The following HOOK3 variants were observed in gnomAD, a reference collection of about 807,000 sequenced individuals.
The protein encoded by HOOK3 is protein Hook homolog 3.
Under a neutral mutation model 116.3 loss-of-function variants are expected in HOOK3, and 24 were observed. That is an observed-to-expected ratio of 0.21 (90% confidence interval 0.15 to 0.29). HOOK3 has a LOEUF of 0.29. Among genes scored for constraint, HOOK3 ranks in the 10% least tolerant of loss-of-function variants. The pLI is 1.00. For synonymous variants in HOOK3, 275 were observed against 283.0 expected, an observed-to-expected ratio of 0.97 and a Z score of 0.28; for missense variants, 632 against 830.2, an observed-to-expected ratio of 0.76 and a Z score of 2.93.
At chr8:42,993,829 C>T (rs60133450) in intron 15 of HOOK3, among the ~76,000 whole-genome samples, 4,783 of 152,006 alleles carry the variant, frequency 0.031, 268 homozygotes, top group African/African-American at 0.11. Context: ...TGAATTTCTC[C>T]GGTATCAGTT....
chr8:42,929,511 CAGAA>C (rs1471047992), intron 3 of HOOK3, among the ~76,000 whole-genome samples: 4 of 152,174 alleles, frequency 2.6e-5, no homozygotes, highest in South Asian at 4.1e-4. Context: ...TTGGGTCAAA[CAGAA>C]AGAAAAAAAT....
intron 15 of HOOK3, among the ~76,000 whole-genome samples, chr8:42,993,189 A>G (rs1809200192): frequency 6.6e-6 from 1 of 152,060 alleles, no homozygotes; most frequent in African/African-American, 2.4e-5. Context: ...GATCTTTTTA[A>G]TGTGTTGTTG....
chr8:42,979,751 T>G (rs1808898906), intron 13 of HOOK3, among the ~76,000 whole-genome samples: 2 of 152,204 alleles, frequency 1.3e-5, no homozygotes, highest in Non-Finnish European at 2.9e-5. Flanking sequence ...TTACCGTTTC[T>G]AGACCAAGCT....
At chr8:42,915,317 A>T (rs1055151134) in intron 2 of HOOK3, among the ~76,000 whole-genome samples, 2 of 151,634 alleles carry the variant, frequency 1.3e-5, no homozygotes, top group African/African-American at 4.9e-5. Flanking sequence ...TCAAAGTCGG[A>T]TTGTGTTACG....
chr8:42,967,444 G>A (rs1041844731), intron 10 of HOOK3, among the ~76,000 whole-genome samples: 3 of 152,070 alleles, frequency 2.0e-5, no homozygotes, highest in South Asian at 2.1e-4. Flanking sequence ...TCTTCCTCCT[G>A]TTCAGGGCTA....
At chr8:42,904,660 A>C (rs1807267830) in intron 1 of HOOK3, among the ~76,000 whole-genome samples, 1 of 152,080 alleles carries the variant, frequency 6.6e-6, no homozygotes, top group South Asian at 2.1e-4. Context: ...CCCCTGGTTC[A>C]AATCCTTTGC....
intron 8 of HOOK3, among the ~76,000 whole-genome samples, chr8:42,962,351 C>G (rs1326050275): frequency 6.7e-6 from 1 of 148,464 alleles, no homozygotes; most frequent in Non-Finnish European, 1.5e-5. Flanking sequence ...GTCCTACCAA[C>G]TTGGCCTCCC....
chr8:43,010,385 T>C lies in HOOK3; in HGVS notation c.1819T>C (p.Tyr607His). The C allele has an allele frequency of 6.8e-7, 1 of 1,460,266 alleles. No homozygotes were observed. 90.5% of individuals were successfully genotyped at this position (1,460,266 alleles called of 1,614,324 possible). The change falls in exon 19 of 22, where the codon TAC (tyrosine) becomes CAC (histidine). Residue 607 changes from tyrosine (Y) to histidine (H), a missense_variant. Coordinates refer to ENST00000307602, the MANE Select transcript of HOOK3 (RefSeq NM_032410.4). Reference sequence around the variant, plus strand: ...GCAAATGGAAGAACGATACAAAAAATACTTAGAGAAAGCCAAAAGTGTAAG... The same window carrying C: ...GCAAATGGAAGAACGATACAAAAAACACTTAGAGAAAGCCAAAAGTGTAAG... ...MKQMEERYKK[Y>H]LEKAKSVIRT...
intron 4 of HOOK3, among the ~76,000 whole-genome samples, chr8:42,931,088 A>C (rs1043629972): frequency 3.3e-5 from 5 of 152,152 alleles, no homozygotes; most frequent in Non-Finnish European, 5.9e-5. Context: ...CTTTTCCCGC[A>C]CCTAAGGCAC....
At chr8:42,925,205 C>T (rs1251749132) in intron 2 of HOOK3, among the ~76,000 whole-genome samples, 1 of 151,912 alleles carries the variant, frequency 6.6e-6, no homozygotes, top group Non-Finnish European at 1.5e-5. Flanking sequence ...TCAAGGGATT[C>T]TCCCACCTCA....
At chr8:42,921,331 T>C (rs919015556) in intron 2 of HOOK3, among the ~76,000 whole-genome samples, 6 of 152,134 alleles carry the variant, frequency 3.9e-5, no homozygotes, top group Non-Finnish European at 8.8e-5. Flanking sequence ...GAGTCTTTTT[T>C]AGTTGGAAAG....
intron 4 of HOOK3, 23 bp from the exon 5 acceptor site, chr8:42,943,289 TA>T: frequency 7.1e-7 from 1 of 1,406,956 alleles, no homozygotes; most frequent in Non-Finnish European, 9.4e-7. Flanking sequence ...TAAATGCAAT[TA>T]TAATCCTTTT....
chr8:42,984,366 C>T (rs1809009322), intron 14 of HOOK3, among the ~76,000 whole-genome samples: 1 of 145,556 alleles, frequency 6.9e-6, no homozygotes, highest in Non-Finnish European at 1.5e-5. Flanking sequence ...GAAACTCCAT[C>T]TCAAAAAAAA....
chr8:43,007,925 C>T lies in HOOK3; in HGVS notation c.1734C>T (p.Asn578=). 6.3e-7 allele frequency: 1 copy of T among 1,584,426 alleles called. No individual in the cohort carries two copies. Among genetic ancestry groups the T allele is most frequent in the Non-Finnish European group, 8.6e-7 (1 of 1,159,130 alleles). The change falls in exon 18 of 22, where the codon AAC becomes AAT. Residue 578 remains asparagine, a synonymous_variant. Transcript: ENST00000307602. ...IIEDLEPRFN[N]SSLKIEELQE... ...AAGATCTCGAGCCAAGATTTAACAA[C>T]AGCTGTGAGTTTTCCTAATTAGGAT...
In HOOK3 at chr8:42,929,751, C is replaced by G. The variant is rs1401330232; in HGVS notation, c.217-371C>G. Among the ~76,000 whole-genome samples, 5 of 152,014 alleles carry G rather than the reference C, an allele frequency of 3.3e-5. No individual in the cohort carries two copies. The East Asian group carries it at 9.6e-4, about 29-fold the overall frequency. ...TAATTTCTATATAGATGCAGTTTGACTTTTCTAGGGAGAATAGCTCTGAAC... is the reference window on the plus strand; with the variant it reads ...TAATTTCTATATAGATGCAGTTTGAGTTTTCTAGGGAGAATAGCTCTGAAC... On this transcript the variant is annotated intron_variant, in intron 3 of 21. Coordinates refer to ENST00000307602, the MANE Select transcript of HOOK3 (RefSeq NM_032410.4).
intron 8 of HOOK3, among the ~76,000 whole-genome samples, chr8:42,960,738 A>G (rs556098109): frequency 6.6e-6 from 1 of 152,272 alleles, no homozygotes; most frequent in Admixed American, 6.5e-5. Context: ...AGGCACTGGG[A>G]TGCATCAGGC....
chr8:42,959,592 G>A (rs1008275847), intron 8 of HOOK3, among the ~76,000 whole-genome samples: 2 of 151,622 alleles, frequency 1.3e-5, no homozygotes, highest in African/African-American at 2.4e-5. Context: ...GATGGCGGGC[G>A]CCTGTAATCC....
Position 43,019,832 on chromosome 8 carries a change from C to T in HOOK3, c.*1334C>T, listed in dbSNP as rs1005790384. Reference sequence around the variant, plus strand: ...TATATTTAAGTCTTTTTTCTTGCAACGTAGCCCATTTTTTGAAAGCAAAAC... The same window carrying T: ...TATATTTAAGTCTTTTTTCTTGCAATGTAGCCCATTTTTTGAAAGCAAAAC... On this transcript the variant is annotated 3_prime_UTR_variant, in exon 22 of 22. Transcript: ENST00000307602. The T allele has an allele frequency of 1.1e-4, 22 of 203,666 alleles. No homozygotes were observed. The highest frequency in any genetic ancestry group is 2.0e-4 in the Non-Finnish European group (20 of 99,508). The allele number at this position is 203,666 out of a possible 1,614,324, so 12.6% of individuals were successfully genotyped here. A position where few individuals can be genotyped will look rare whatever the true frequency, so the allele number is the denominator to read the frequency against.
chr8:42,985,001 A>C (rs1809024115), intron 14 of HOOK3, among the ~76,000 whole-genome samples: 1 of 152,228 alleles, frequency 6.6e-6, no homozygotes, highest in South Asian at 2.1e-4. Flanking sequence ...GAGAGCTATC[A>C]AGGAAAAATG....
Sources: gnomAD v4.1 joint callset for allele counts (sites outside exome capture counted in the v4.1 genomes callset) on GRCh38, gnomAD v4.1.1 for gene constraint, MANE v1.5 for transcripts, NCBI Gene and HGNC (gene_info 2026-07-23, HGNC 2026-07-21) for gene names.